ASTN2: variants seen among roughly 807,000 people sequenced by gnomAD.
ASTN2 encodes astrotactin 2.
ASTN2 carries 54 observed loss-of-function variants against 139.8 expected under a neutral mutation model. That is an observed-to-expected ratio of 0.39 (90% CI 0.31 to 0.48). ASTN2 has a LOEUF of 0.48. Ranked by LOEUF, ASTN2 falls within the 20% of genes least tolerant of loss-of-function variation. The pLI, the probability that ASTN2 is intolerant of heterozygous loss-of-function variation, is 0.95. For synonymous variants in ASTN2, 756 were observed against 719.5 expected, an observed-to-expected ratio of 1.05 and a Z score of -0.81; for missense variants, 1,565 against 1,725.1, an observed-to-expected ratio of 0.91 and a Z score of 1.64.
At chr9:117,356,806 G>A (rs1354573732) in intron 1 of ASTN2, among the ~76,000 whole-genome samples, 1 of 152,188 alleles carries the variant, frequency 6.6e-6, no homozygotes, top group Non-Finnish European at 1.5e-5. Context: ...GCTCACGCCT[G>A]TAATCTCAGC....
chr9:116,537,249 C>T (rs1242878255), intron 19 of ASTN2, among the ~76,000 whole-genome samples: 1 of 152,236 alleles, frequency 6.6e-6, no homozygotes, highest in African/African-American at 2.4e-5. Context: ...GAGCTGTAGA[C>T]TGGAGCTGTT....
intron 3 of ASTN2, among the ~76,000 whole-genome samples, chr9:117,211,225 G>T (rs1338962098): frequency 6.6e-6 from 1 of 152,124 alleles, no homozygotes; most frequent in African/African-American, 2.4e-5. Flanking sequence ...TTGGAAAGGA[G>T]GAAGTCAAAT....
At chr9:117,354,767 C>T (rs1159983924) in intron 1 of ASTN2, among the ~76,000 whole-genome samples, 1 of 152,138 alleles carries the variant, frequency 6.6e-6, no homozygotes, top group Non-Finnish European at 1.5e-5. Flanking sequence ...CCATAGTCTT[C>T]CCAACATCTC....
chr9:116,423,843 G>A lies in ASTN2; in HGVS notation c.*2008C>T, dbSNP rs1398590169. On this transcript the variant is annotated 3_prime_UTR_variant, in exon 23 of 23. Coordinates refer to ENST00000313400, the MANE Select transcript of ASTN2 (RefSeq NM_001365068.1). Reference sequence around the variant, plus strand: ...CGCTCAATATGTAGGTTATCAGGAAGGGGATTGTCAATCTCATCAACATTT... The same window carrying A: ...CGCTCAATATGTAGGTTATCAGGAAAGGGATTGTCAATCTCATCAACATTT... 2.0e-5 allele frequency among the ~76,000 whole-genome samples: 3 copies of A among 152,164 alleles called. No individual in the cohort carries two copies. The highest frequency in any genetic ancestry group is 4.4e-5 in the Non-Finnish European group (3 of 68,028).
At position 116,809,961 on chromosome 9, in the gene ASTN2, G is replaced by C. The variant is rs560994391; in HGVS notation, c.2208-4141C>G. On this transcript the variant is annotated intron_variant, in intron 12 of 22. Coordinates refer to ENST00000313400, the MANE Select transcript of ASTN2 (RefSeq NM_001365068.1). ...AGAATTAGTCTTTTCAAAACATCCT[G>C]TGATTTTTCAAGCTGCCTCTTCCCT... Among the ~76,000 whole-genome samples, 5 of 152,242 alleles carry C rather than the reference G, an allele frequency of 3.3e-5. No individual in the cohort carries two copies. The East Asian group carries it at 9.7e-4, about 29-fold the overall frequency.
At chr9:117,021,469 T>A (rs1162049324) in intron 6 of ASTN2, among the ~76,000 whole-genome samples, 1 of 152,154 alleles carries the variant, frequency 6.6e-6, no homozygotes, top group Non-Finnish European at 1.5e-5. Flanking sequence ...GGAATGGGCA[T>A]GCGCAGAGAC....
intron 10 of ASTN2, among the ~76,000 whole-genome samples, chr9:116,941,512 G>T (rs1217439584): frequency 1.4e-5 from 2 of 146,592 alleles, no homozygotes; most frequent in African/African-American, 5.0e-5. Flanking sequence ...TGAGCTGCTT[G>T]TTCTTTTCAA....
intron 1 of ASTN2, among the ~76,000 whole-genome samples, chr9:117,350,520 C>T (rs750792331): frequency 6.6e-6 from 1 of 150,674 alleles, no homozygotes; most frequent in African/African-American, 2.4e-5. Flanking sequence ...TGCTACTACG[C>T]TTCAGCCTGG....
At chr9:116,876,210 T>C (rs1833291662) in intron 10 of ASTN2, among the ~76,000 whole-genome samples, 1 of 152,152 alleles carries the variant, frequency 6.6e-6, no homozygotes, top group African/African-American at 2.4e-5. Flanking sequence ...TTTGAGGGGT[T>C]CAAGGCTTCA....
At chr9:116,999,711 C>A (rs1306065567) in intron 7 of ASTN2, among the ~76,000 whole-genome samples, 11 of 151,742 alleles carry the variant, frequency 7.2e-5, no homozygotes. Flanking sequence ...GGGCATGTAC[C>A]ACCACGCTCA....
chr9:117,346,462 C>T (rs1829220796), intron 1 of ASTN2, among the ~76,000 whole-genome samples: 1 of 152,106 alleles, frequency 6.6e-6, no homozygotes, highest in Non-Finnish European at 1.5e-5. Flanking sequence ...TTTGTCCAAC[C>T]AACTAACCAA....
chr9:116,931,939 A>G (rs7039707), intron 10 of ASTN2, among the ~76,000 whole-genome samples: 149,897 of 152,154 alleles, frequency 0.99, 73,877 homozygotes, highest in Non-Finnish European at 1. Flanking sequence ...TAGCAATCAC[A>G]AAGGGATGGA....
chr9:116,654,858 A>G (rs1337511732), intron 16 of ASTN2, among the ~76,000 whole-genome samples: 1 of 152,256 alleles, frequency 6.6e-6, no homozygotes, highest in Non-Finnish European at 1.5e-5. Context: ...TCAAACAAAC[A>G]TTCATAGTCA....
chr9:117,025,601 A>G (rs532286763), intron 6 of ASTN2, among the ~76,000 whole-genome samples: 1 of 151,978 alleles, frequency 6.6e-6, no homozygotes, highest in African/African-American at 2.4e-5. Context: ...CTCATCCTCC[A>G]CCCTGGTTCA....
intron 20 of ASTN2, among the ~76,000 whole-genome samples, chr9:116,452,812 G>A (rs1329174309): frequency 6.6e-6 from 1 of 152,194 alleles, no homozygotes. Flanking sequence ...GGAAGTTAAA[G>A]TTTATTAGGA....
At chr9:116,784,822 G>A (rs943035415) in intron 13 of ASTN2, among the ~76,000 whole-genome samples, 4 of 151,764 alleles carry the variant, frequency 2.6e-5, no homozygotes, top group Admixed American at 1.3e-4. Flanking sequence ...CCAGTTACTC[G>A]GGAGGCTGAA....
At chr9:117,164,110 T>C (rs376005946) in intron 3 of ASTN2, among the ~76,000 whole-genome samples, 1 of 152,142 alleles carries the variant, frequency 6.6e-6, no homozygotes, top group African/African-American at 2.4e-5. Context: ...TCTTGAAATA[T>C]ATTTTCAATT....
intron 10 of ASTN2, among the ~76,000 whole-genome samples, chr9:116,885,131 T>C (rs1056101990): frequency 4.6e-5 from 7 of 152,044 alleles, no homozygotes; most frequent in African/African-American, 1.7e-4. Flanking sequence ...GGTGTGTGTA[T>C]GGTCATGGGT....
intron 1 of ASTN2, among the ~76,000 whole-genome samples, chr9:117,382,045 T>A (rs1346735712): frequency 6.6e-6 from 1 of 152,124 alleles, no homozygotes; most frequent in Non-Finnish European, 1.5e-5. Context: ...GCAGGGCAGA[T>A]CATGAGTACC....
Sources: gnomAD v4.1 joint callset for allele counts (sites outside exome capture counted in the v4.1 genomes callset) on GRCh38, gnomAD v4.1.1 for gene constraint, MANE v1.5 for transcripts, NCBI Gene and HGNC (gene_info 2026-07-23, HGNC 2026-07-21) for gene names.